Variants in DNAH9 observed in about 807,000 individuals in gnomAD.
DNAH9 encodes the protein dynein axonemal heavy chain 9.
In DNAH9, 345 loss-of-function variants were observed where a neutral mutation model predicts 471.6. The observed-to-expected ratio is 0.73, with a 90% confidence interval of 0.67 to 0.80. The LOEUF (loss-of-function observed/expected upper bound fraction) is 0.80. Among genes scored for constraint, DNAH9 ranks in the 30% least tolerant of loss-of-function variants. The pLI is 0.00. For missense variants in DNAH9, 5,407 were observed against 5,609.2 expected, an observed-to-expected ratio of 0.96 and a Z score of 1.15; for synonymous variants, 2,093 against 2,123.6, an observed-to-expected ratio of 0.99 and a Z score of 0.40.
At chr17:11,608,808 CT>C (rs2072564964) in intron 2 of DNAH9, among the ~76,000 whole-genome samples, 1 of 152,078 alleles carries the variant, frequency 6.6e-6, no homozygotes, top group South Asian at 2.1e-4. Flanking sequence ...ATTTTTTTCT[CT>C]TTTCAAATAG....
intron 50 of DNAH9, 87 bp from the exon 51 acceptor site, chr17:11,869,047 C>G: frequency 6.7e-7 from 1 of 1,499,106 alleles, no homozygotes; most frequent in Non-Finnish European, 9.0e-7. Flanking sequence ...TCCTTCAGAA[C>G]CACCTCCATG....
chr17:11,650,178 G>A (rs2073476456), intron 12 of DNAH9, among the ~76,000 whole-genome samples: 1 of 152,060 alleles, frequency 6.6e-6, no homozygotes, highest in Admixed American at 6.6e-5. Flanking sequence ...TGCTGAGTAG[G>A]GTTTGCCCAC....
chr17:11,640,745 T>C (rs554428451), intron 10 of DNAH9, among the ~76,000 whole-genome samples: 36 of 152,304 alleles, frequency 2.4e-4, no homozygotes, highest in African/African-American at 7.7e-4. Flanking sequence ...TGAAGCCCAG[T>C]GTTTCCTCAA....
chr17:11,598,958 G>T (rs909797731), intron 1 of DNAH9, 43 bp downstream of exon 1: 3 of 1,423,266 alleles, frequency 2.1e-6, no homozygotes, highest in Non-Finnish European at 2.8e-6. Flanking sequence ...AGCTGGGTGG[G>T]GGAGGGGAGG....
At chr17:11,748,251 C>T (rs545342669) in intron 32 of DNAH9, among the ~76,000 whole-genome samples, 6 of 151,276 alleles carry the variant, frequency 4.0e-5, no homozygotes, top group East Asian at 2.0e-4. Context: ...TGCTTGAACC[C>T]GGGTGGTGGA....
chr17:11,693,828 G>A (rs1414243747), intron 20 of DNAH9, 40 bp from the exon 21 acceptor site: 1 of 1,613,146 alleles, frequency 6.2e-7, no homozygotes, highest in South Asian at 1.1e-5. Context: ...TAGGAACTGA[G>A]TGGAGTGGTG....
intron 62 of DNAH9, among the ~76,000 whole-genome samples, chr17:11,929,048 T>A (rs932309183): frequency 4.7e-5 from 5 of 106,940 alleles, no homozygotes; most frequent in South Asian, 3.0e-4. Flanking sequence ...TTTTTTTTTT[T>A]ATTTGAGACG....
intron 61 of DNAH9, among the ~76,000 whole-genome samples, chr17:11,921,787 G>A (rs763529096): frequency 2.0e-5 from 3 of 152,120 alleles, no homozygotes; most frequent in Non-Finnish European, 4.4e-5. Context: ...TCATTGTCAT[G>A]CCTCAAGCCC....
At chr17:11,850,730 T>G (rs1043890978) in intron 49 of DNAH9, among the ~76,000 whole-genome samples, 5 of 151,980 alleles carry the variant, frequency 3.3e-5, no homozygotes, top group African/African-American at 1.2e-4. Flanking sequence ...CCCATGAGAG[T>G]TGACTTGAGG....
At chr17:11,766,333 ACCTTGCAGC>A (rs1283863495) in intron 36 of DNAH9, among the ~76,000 whole-genome samples, 1 of 151,868 alleles carries the variant, frequency 6.6e-6, no homozygotes, top group Non-Finnish European at 1.5e-5. Flanking sequence ...CTGGCTGAAT[ACCTTGCAGC>A]CCTTAGAGAG....
rs57395997 is a variant in DNAH9, at chr17:11,628,075, C to G, written c.1351-1342C>G. Among the ~76,000 whole-genome samples, 5 of 152,156 alleles carry G rather than the reference C, an allele frequency of 3.3e-5. No individual in the cohort carries two copies. The East Asian group carries it at 9.6e-4, about 29-fold the overall frequency. ...AGAGCAGAGGATCCCTCCCACAGTC[C>G]ACACCAAATGTTGGCCAAAATGACA... On this transcript the variant is annotated intron_variant, in intron 6 of 68. Transcript: ENST00000262442.
intron 34 of DNAH9, 55 bp downstream of exon 34, chr17:11,756,731 T>C (rs1967409554): frequency 1.8e-6 from 2 of 1,108,810 alleles, no homozygotes; most frequent in African/African-American, 3.1e-5. Flanking sequence ...GAGGTACCTC[T>C]GGCTTCACAC....
intron 28 of DNAH9, among the ~76,000 whole-genome samples, chr17:11,734,987 TC>T (rs1248395942): frequency 1.3e-5 from 2 of 152,192 alleles, no homozygotes; most frequent in African/African-American, 2.4e-5. Flanking sequence ...GAGGGCCTGT[TC>T]CGACGCACCT....
intron 43 of DNAH9, among the ~76,000 whole-genome samples, chr17:11,804,308 T>G (rs1969579508): frequency 6.6e-6 from 1 of 152,220 alleles, no homozygotes; most frequent in Non-Finnish European, 1.5e-5. Flanking sequence ...AATTTAGTAG[T>G]TAACCACATC....
chr17:11,934,107 G>C, intron 65 of DNAH9, 36 bp downstream of exon 65: 1 of 1,590,314 alleles, frequency 6.3e-7, no homozygotes, highest in Non-Finnish European at 8.6e-7. Flanking sequence ...TGTCGTGAGG[G>C]TGCTCACAGG....
At chr17:11,824,546 G>A (rs1970421782) in intron 48 of DNAH9, among the ~76,000 whole-genome samples, 1 of 152,146 alleles carries the variant, frequency 6.6e-6, no homozygotes, top group African/African-American at 2.4e-5. Context: ...GTTCTCATGT[G>A]TTGCTTTCAT....
intron 67 of DNAH9, among the ~76,000 whole-genome samples, chr17:11,949,259 A>G (rs1975266162): frequency 6.6e-6 from 1 of 152,282 alleles, no homozygotes; most frequent in East Asian, 1.9e-4. Context: ...GTTCTCCCAG[A>G]GTTTCATTGC....
At position 11,747,483 on chromosome 17, in the gene DNAH9, G is replaced by T. The variant is rs376222045; in HGVS notation, c.6400-73G>T. 67 of 1,201,184 alleles carry T rather than the reference G, an allele frequency of 5.6e-5. No homozygotes were observed. The East Asian group carries it at 5.8e-4, about 10-fold the overall frequency. The allele number at this position is 1,201,184 out of a possible 1,614,324, so 74.4% of individuals were successfully genotyped here. A position where few individuals can be genotyped will look rare whatever the true frequency, so the allele number is the denominator to read the frequency against. On this transcript the variant is annotated intron_variant, in intron 31 of 68. Transcript: ENST00000262442. ...AGGTCTCACTTCAGACACCAGCTGGGGTCACAGAAGAGCAGTTGGGATGCA... is the reference window on the plus strand; with the variant it reads ...AGGTCTCACTTCAGACACCAGCTGGTGTCACAGAAGAGCAGTTGGGATGCA...
At chr17:11,904,869 A>G (rs527528453) in intron 60 of DNAH9, among the ~76,000 whole-genome samples, 52 of 152,250 alleles carry the variant, frequency 3.4e-4, no homozygotes, top group Middle Eastern at 3.4e-3. Flanking sequence ...TTTGTTCAGC[A>G]TAAAATGTGA....
Sources: gnomAD v4.1 joint callset for allele counts (sites outside exome capture counted in the v4.1 genomes callset) on GRCh38, gnomAD v4.1.1 for gene constraint, MANE v1.5 for transcripts, NCBI Gene and HGNC (gene_info 2026-07-23, HGNC 2026-07-21) for gene names.